The following C1QTNF6 variants were observed in gnomAD, a reference collection of about 807,000 sequenced individuals.
C1QTNF6 encodes the protein C1q and TNF related 6.
C1QTNF6 carries 17 observed loss-of-function variants against 20.7 expected under a neutral mutation model. The observed-to-expected ratio is 0.82, with a 90% CI of 0.56 to 1.23. The LOEUF (loss-of-function observed/expected upper bound fraction) is 1.23, where lower values mean the gene tolerates loss of function less well. Ranked by LOEUF, C1QTNF6 falls within the 50% of genes most tolerant of loss-of-function variation. The probability of loss-of-function intolerance (pLI) is 0.00; values close to 1 mark genes in which losing one functional copy is unlikely to be tolerated. For missense variants in C1QTNF6, 329 were observed against 389.7 expected (o/e 0.84, Z 1.31); for synonymous variants, 130 against 156.3 (o/e 0.83, Z 1.25).
In C1QTNF6 at chr22:37,185,241, T is replaced by C; in HGVS notation, c.266A>G (p.Tyr89Cys). Residue 89 changes from tyrosine (Y) to cysteine (C), a missense_variant, in exon 2 of 3, where the codon TAC (tyrosine) becomes TGC (cysteine). By Grantham distance (194) the Tyr-to-Cys change is radical. Transcript: ENST00000337843. ...ACCCTTCAGGATGGTGATATTAATG[T>C]AGGGTCTGATCTCAGGCAGGGCGTG... ...RPHALPEIRP[Y>C]INITILKGDK... is the part of the protein sequence containing the mutation. The C allele has an allele frequency of 6.3e-7, 1 of 1,580,812 alleles. No homozygotes were observed. Among genetic ancestry groups the C allele is most frequent in the Non-Finnish European group, 8.6e-7 (1 of 1,160,412 alleles).
In C1QTNF6 at chr22:37,184,191, C is replaced by T. The variant is rs1025680710; in HGVS notation, c.289+1027G>A. ...ACCACGAAATCAGAACAAGGGCAGGCCAGGTGCCAGGTGACCACTGGCTGT... is the reference window on the plus strand; with the variant it reads ...ACCACGAAATCAGAACAAGGGCAGGTCAGGTGCCAGGTGACCACTGGCTGT... On this transcript the variant is annotated intron_variant, in intron 2 of 2. Transcript: ENST00000337843. This position sits in a 1 kb window ranked among gnomAD's most constrained non-coding sequence, Gnocchi z 4.0. 1.6e-6 allele frequency: 1 copy of T among 622,630 alleles called. No individual in the cohort carries two copies. The highest frequency in any genetic ancestry group is 3.0e-6 in the Non-Finnish European group (1 of 338,526). The allele number at this position is 622,630 out of a possible 1,614,324, so 38.6% of individuals were successfully genotyped here. A position where few individuals can be genotyped will look rare whatever the true frequency, so the allele number is the denominator to read the frequency against.
rs1429476557 is a variant in C1QTNF6, at chr22:37,182,538, G to C, written c.487C>G (p.Leu163Val). Residue 163 changes from leucine (L) to valine (V), a missense_variant, in exon 3 of 3, where the codon CTG becomes GTG. Coordinates refer to ENST00000337843, the MANE Select transcript of C1QTNF6 (RefSeq NM_031910.4). Reference sequence around the variant, plus strand: ...TTCACAAAGACCCTTTCGAAGAGCAGCGTCTGGAAGTCCTCGCCGCTGTGC... The same window carrying C: ...TTCACAAAGACCCTTTCGAAGAGCACCGTCTGGAAGTCCTCGCCGCTGTGC... ...ALHSGEDFQT[L>V]LFERVFVNLD... The C allele has an allele frequency of 2.5e-6, 4 of 1,614,140 alleles. No homozygotes were observed. Among genetic ancestry groups the C allele is most frequent in the Non-Finnish European group, 3.4e-6 (4 of 1,180,056 alleles).
rs1257066550 is a variant in C1QTNF6 at position 37,181,942 on chromosome 22, A to C, written c.*246T>G. ...TTCCAAGTTTGAGAAGTGCTGGGCTACGAGGCTGGGAAAGTTCTAGAATAT... is the reference window on the plus strand; with the variant it reads ...TTCCAAGTTTGAGAAGTGCTGGGCTCCGAGGCTGGGAAAGTTCTAGAATAT... On this transcript the variant is annotated 3_prime_UTR_variant, in exon 3 of 3. Transcript: ENST00000337843. The C allele has an allele frequency of 3.8e-6, 2 of 521,234 alleles. No homozygotes were observed. Among genetic ancestry groups the C allele is most frequent in the Non-Finnish European group, 6.8e-6 (2 of 295,172 alleles). 32.3% of individuals were successfully genotyped at this position (521,234 alleles called of 1,614,324 possible). A position where few individuals can be genotyped will look rare whatever the true frequency, so the allele number is the denominator to read the frequency against.
At chr22:37,188,303 T>C (rs890168255), upstream of C1QTNF6, 18 of 947,184 alleles carry the variant, frequency 1.9e-5, 1 homozygote, top group South Asian at 1.1e-4. Flanking sequence ...GAGGAGGGGA[T>C]GGAGGGAGAG....
chr22:37,181,650 T>G lies in C1QTNF6; in HGVS notation c.*538A>C, dbSNP rs985049148. Reference sequence around the variant, plus strand: ...TTGCAGTGAACTGAGATTGCACCACTGCACTCTAGCCTGGGCAACAGAGCA... The same window carrying G: ...TTGCAGTGAACTGAGATTGCACCACGGCACTCTAGCCTGGGCAACAGAGCA... On this transcript the variant is annotated 3_prime_UTR_variant, in exon 3 of 3. Coordinates refer to ENST00000337843, the MANE Select transcript of C1QTNF6 (RefSeq NM_031910.4). The G allele has an allele frequency of 6.5e-6, 1 of 153,242 alleles. No homozygotes were observed. The highest frequency in any genetic ancestry group is 6.5e-5 in the Admixed American group (1 of 15,398). The allele number at this position is 153,242 out of a possible 1,614,324, so 9.5% of individuals were successfully genotyped here. A position where few individuals can be genotyped will look rare whatever the true frequency, so the allele number is the denominator to read the frequency against.
Position 37,188,065 on chromosome 22 carries a change from G to A in C1QTNF6, c.51+98C>T, listed in dbSNP as rs547351782. 41 of 1,302,978 alleles carry A rather than the reference G, an allele frequency of 3.1e-5. No individual in the cohort carries two copies. In the South Asian group the frequency reaches 5.5e-4, roughly 18 times the overall value. 80.7% of individuals were successfully genotyped at this position (1,302,978 alleles called of 1,614,324 possible). On this transcript the variant is annotated intron_variant, in intron 1 of 2. Transcript: ENST00000337843. ...AGAGGCTGTCCCAGTCAGAGGGAGA[G>A]AGCAGGGCCCGAGATGCTTCCAGGA...
chr22:37,182,619 CG>C lies in C1QTNF6; in HGVS notation c.405del (p.Gly136AlafsTer35). ...AAGAAGCGCTTCTGGCACGGGGCGC[CG>C]GGGCTGCCCATCTCCCCCTTGTCAC... Reference protein sequence around the residue: ...SKGDKGEMGSPGAPCQKRFFA... With the variant: ...SKGDKGEMGSXGAPCQKRFFA... On this transcript the variant is annotated frameshift_variant, in exon 3 of 3. Transcript: ENST00000337843. LOFTEE classifies it high-confidence loss of function. 6.2e-7 allele frequency: 1 copy of C among 1,613,664 alleles called. No homozygotes were observed. Among genetic ancestry groups the C allele is most frequent in the Non-Finnish European group, 8.5e-7 (1 of 1,180,018 alleles).
At chr22:37,182,799 C>T (rs928323036) in intron 2 of C1QTNF6, 64 bp from the exon 3 acceptor site, 2 of 1,491,136 alleles carry the variant, frequency 1.3e-6, no homozygotes, top group African/African-American at 1.4e-5. Context: ...GAGGTGCCCA[C>T]ACTCATCTGT....
chr22:37,196,371 G>A (rs957208404), intron 1 of C1QTNF6: 19 of 152,166 alleles, frequency 1.2e-4, no homozygotes, highest in African/African-American at 2.4e-4. Context: ...CCTGGGGCCC[G>A]AGACTCCTGT....
chr22:37,189,028 C>T (rs937057753), upstream of C1QTNF6, among the ~76,000 whole-genome samples: 2 of 152,208 alleles, frequency 1.3e-5, no homozygotes, highest in African/African-American at 4.8e-5. Context: ...ATAGTTATTT[C>T]TTGATCCTAT....
rs553845355 is a variant in C1QTNF6, at chr22:37,185,654, C to T, written c.52-199G>A. The T allele has an allele frequency of 6.2e-6, 8 of 1,288,962 alleles. No individual in the cohort carries two copies. The South Asian group carries it at 9.3e-5, about 15-fold the overall frequency. 79.8% of individuals were successfully genotyped at this position (1,288,962 alleles called of 1,614,324 possible). On this transcript the variant is annotated intron_variant, in intron 1 of 2. Coordinates refer to ENST00000337843, the MANE Select transcript of C1QTNF6 (RefSeq NM_031910.4). The stretch of plus-strand genomic sequence containing the variant: ...CAAGTTCCCCAAGATCGGGAGGAGA[C>T]TGGCAGGGCAGGGCCTGCATGCTGA...
intron 2 of C1QTNF6, among the ~76,000 whole-genome samples, chr22:37,194,948 A>G (rs1313737933): frequency 2.6e-5 from 4 of 152,258 alleles, no homozygotes; most frequent in African/African-American, 9.6e-5. Flanking sequence ...GGGAGGCCAG[A>G]GGCCTCCATT....
chr22:37,187,573 T>TAA (rs5845322), intron 1 of C1QTNF6, among the ~76,000 whole-genome samples: 73 of 147,346 alleles, frequency 5.0e-4, no homozygotes, highest in Non-Finnish European at 6.7e-4. Context: ...ATAAAAGACT[T>TAA]AAAAAAAAAA....
In C1QTNF6 at chr22:37,182,410, C is replaced by T. The variant is rs769250571; in HGVS notation, c.615G>A (p.Thr205=). 44 of 1,614,132 alleles carry T rather than the reference C, an allele frequency of 2.7e-5. No homozygotes were observed. The highest frequency in any genetic ancestry group is 2.2e-4 in the Admixed American group (13 of 60,014). Reference sequence around the variant, plus strand: ...TCTGGTTATGCATAATGTGCACGTACGTCTCCTTGTAATTCCAGCTGTGCA... The same window carrying T: ...TCTGGTTATGCATAATGTGCACGTATGTCTCCTTGTAATTCCAGCTGTGCA... ...LNVHSWNYKE[T]YVHIMHNQKE... The change falls in exon 3 of 3, where the codon ACG becomes ACA. Residue 205 remains threonine (T), a synonymous_variant. Transcript: ENST00000337843.
chr22:37,198,594 C>G (rs1016893253), upstream of C1QTNF6, among the ~76,000 whole-genome samples: 1 of 152,230 alleles, frequency 6.6e-6, no homozygotes, highest in Non-Finnish European at 1.5e-5. Context: ...TCTAACTGTT[C>G]AAGCGCAGAG....
At chr22:37,188,297 A>AGGGGATGGAGGGAGAGAGGT, upstream of C1QTNF6, 1 of 873,996 alleles carries the variant, frequency 1.1e-6, no homozygotes, top group Non-Finnish European at 1.6e-6. Context: ...GGGAGAGAGG[A>AGGGGATGGAGGGAGAGAGGT]GGGGATGGAG....
chr22:37,194,300 G>C (rs947591466), intron 2 of C1QTNF6, among the ~76,000 whole-genome samples: 1 of 152,168 alleles, frequency 6.6e-6, no homozygotes, highest in African/African-American at 2.4e-5. Flanking sequence ...GACTGACACA[G>C]AAAGAAAAAT....
chr22:37,188,125 C>T lies in C1QTNF6; in HGVS notation c.51+38G>A, dbSNP rs773305734. 1.9e-6 allele frequency: 3 copies of T among 1,587,996 alleles called. 1 individual carries two copies. Among genetic ancestry groups the T allele is most frequent in the South Asian group, 2.3e-5 (2 of 88,122 alleles). On this transcript the variant is annotated intron_variant, in intron 1 of 2. Coordinates refer to ENST00000337843, the MANE Select transcript of C1QTNF6 (RefSeq NM_031910.4). The stretch of plus-strand genomic sequence containing the variant: ...GGAGGAGAGGAATTCCAGGCTCTGA[C>T]CCCAGCCCCCAAGCTTGAGGAGCCT...
chr22:37,181,381 G>C lies in C1QTNF6; in HGVS notation c.*807C>G, dbSNP rs1346955005. 2 of 152,350 alleles carry C rather than the reference G, an allele frequency of 1.3e-5. No individual in the cohort carries two copies. Among genetic ancestry groups the C allele is most frequent in the African/African-American group, 2.4e-5 (1 of 41,442 alleles). 9.4% of individuals were successfully genotyped at this position (152,350 alleles called of 1,614,324 possible). A position where few individuals can be genotyped will look rare whatever the true frequency, so the allele number is the denominator to read the frequency against. ...ATAGCACGGGGAGCCCTGGAGGGAT[G>C]AGAGAATTTAAGAATGTTGGAATTG... On this transcript the variant is annotated 3_prime_UTR_variant, in exon 3 of 3. Coordinates refer to ENST00000337843, the MANE Select transcript of C1QTNF6 (RefSeq NM_031910.4).
Sources: allele counts gnomAD v4.1 joint callset (sites outside exome capture counted in the v4.1 genomes callset), GRCh38; gene constraint gnomAD v4.1.1; non-coding constraint Gnocchi (gnomAD v3.1); transcripts MANE v1.5; gene names NCBI Gene and HGNC (gene_info 2026-07-23, HGNC 2026-07-21).